FHIP1A: variants seen among roughly 807,000 people sequenced by gnomAD.
FHIP1A encodes the protein FHF complex subunit HOOK interacting protein 1A.
Under a neutral mutation model 88.6 loss-of-function variants are expected in FHIP1A, and 61 were observed. The ratio of observed to expected loss-of-function variants is 0.69; its 90% CI spans 0.56 to 0.85. The LOEUF (loss-of-function observed/expected upper bound fraction) is 0.85. FHIP1A is among the 40% of genes least tolerant of loss of function. FHIP1A has a pLI of 0.00. For synonymous variants in FHIP1A, 478 were observed against 496.0 expected, an observed-to-expected ratio of 0.96 and a Z score of 0.48; for missense variants, 1,154 against 1,273.5, an observed-to-expected ratio of 0.91 and a Z score of 1.43.
At chr4:151,514,891 A>G (rs1207832497) in intron 3 of FHIP1A, among the ~76,000 whole-genome samples, 2 of 152,234 alleles carry the variant, frequency 1.3e-5, no homozygotes, top group African/African-American at 4.8e-5. Context: ...AGGAACTGGT[A>G]TCATTCCTTC....
At chr4:151,486,351 G>A (rs796781707) in intron 3 of FHIP1A, among the ~76,000 whole-genome samples, 14 of 152,282 alleles carry the variant, frequency 9.2e-5, no homozygotes, top group African/African-American at 3.4e-4. Context: ...CAAACTGTGT[G>A]CACATGAATC....
Position 151,518,635 on chromosome 4 carries a change from TTCCCTCCCTCCC to T in FHIP1A, c.-123+36005_-123+36016del, listed in dbSNP as rs149749640. Among the ~76,000 whole-genome samples, 37 of 81,460 alleles carry T rather than the reference TTCCCTCCCTCCC, an allele frequency of 4.5e-4. 1 individual carries two copies. Among genetic ancestry groups the T allele is most frequent in the East Asian group, 2.6e-3 (7 of 2,712 alleles). 53.4% of individuals were successfully genotyped at this position (81,460 alleles called of 152,430 possible). On this transcript the variant is annotated intron_variant, in intron 3 of 13. Transcript: ENST00000435205. ...CTTGCTTTGTCACATAACTATCCATTTCCCTCCCTCCCTCCCTCCCTCCCTCCCTTCCTTCTT... is the reference window on the plus strand; with the variant it reads ...CTTGCTTTGTCACATAACTATCCATTTCCCTCCCTCCCTCCCTTCCTTCTT...
chr4:151,658,773 G>A (rs926321756), intron 13 of FHIP1A, among the ~76,000 whole-genome samples: 2 of 152,046 alleles, frequency 1.3e-5, no homozygotes, highest in Non-Finnish European at 2.9e-5. Flanking sequence ...TTTCTCAAGC[G>A]GTCAATTTTC....
At chr4:151,473,829 T>C (rs1729609510) in intron 2 of FHIP1A, among the ~76,000 whole-genome samples, 1 of 152,176 alleles carries the variant, frequency 6.6e-6, no homozygotes, top group Non-Finnish European at 1.5e-5. Flanking sequence ...TGTAAAAATG[T>C]GAAGGACAGG....
chr4:151,619,532 T>A (rs1735659008), intron 7 of FHIP1A, among the ~76,000 whole-genome samples: 1 of 152,226 alleles, frequency 6.6e-6, no homozygotes, highest in African/African-American at 2.4e-5. Flanking sequence ...TTTTGATGAG[T>A]CTTAGTGTTA....
chr4:151,593,416 G>A (rs1435027388), intron 7 of FHIP1A, among the ~76,000 whole-genome samples: 1 of 152,102 alleles, frequency 6.6e-6, no homozygotes, highest in South Asian at 2.1e-4. Flanking sequence ...TTTTCCATTT[G>A]TTTGTGTCCT....
chr4:151,545,592 T>C (rs946351606), intron 3 of FHIP1A, among the ~76,000 whole-genome samples: 7 of 151,952 alleles, frequency 4.6e-5, no homozygotes, highest in African/African-American at 1.7e-4. Context: ...TTAGCCAGGA[T>C]GGTCTCGATC....
intron 3 of FHIP1A, among the ~76,000 whole-genome samples, chr4:151,495,515 T>TAAAGA (rs1380252327): frequency 6.6e-6 from 1 of 150,526 alleles, no homozygotes; most frequent in Non-Finnish European, 1.5e-5. Flanking sequence ...AAAAAGAAAG[T>TAAAGA]AAAGAAAAGA....
intron 3 of FHIP1A, among the ~76,000 whole-genome samples, chr4:151,535,478 A>G (rs1005094825): frequency 6.6e-6 from 1 of 152,246 alleles, no homozygotes; most frequent in African/African-American, 2.4e-5. Flanking sequence ...AGAAGGAACC[A>G]TTATTGACAT....
At chr4:151,593,741 A>G (rs1173808826) in intron 7 of FHIP1A, among the ~76,000 whole-genome samples, 1 of 152,194 alleles carries the variant, frequency 6.6e-6, no homozygotes, top group Non-Finnish European at 1.5e-5. Context: ...TCCTGTTTGA[A>G]TACCCTTTAT....
chr4:151,666,200 A>T lies in FHIP1A; in HGVS notation c.*3446A>T, dbSNP rs1269925104. ...TTCCAACTTAGGTTCAGCCTAAAAC[A>T]TAATTTCATGGGTGGTAAAATACAA... On this transcript the variant is annotated 3_prime_UTR_variant, in exon 14 of 14. Transcript: ENST00000435205. Among the ~76,000 whole-genome samples, 3 of 152,268 alleles carry T rather than the reference A, an allele frequency of 2.0e-5. No individual in the cohort carries two copies. The highest frequency in any genetic ancestry group is 7.2e-5 in the African/African-American group (3 of 41,472).
intron 2 of FHIP1A, among the ~76,000 whole-genome samples, chr4:151,463,041 T>C (rs1729193384): frequency 1.3e-5 from 2 of 152,232 alleles, no homozygotes; most frequent in African/African-American, 4.8e-5. Flanking sequence ...GTAGGTCTTT[T>C]AGAGCTCCTG....
intron 1 of FHIP1A, among the ~76,000 whole-genome samples, chr4:151,443,749 A>G (rs1728495654): frequency 7.7e-6 from 1 of 130,210 alleles, no homozygotes; most frequent in African/African-American, 2.9e-5. Flanking sequence ...TCTGCTGGCC[A>G]GCTTTTCTTC....
intron 5 of FHIP1A, among the ~76,000 whole-genome samples, chr4:151,578,570 A>G (rs1733900079): frequency 6.6e-6 from 1 of 152,198 alleles, no homozygotes; most frequent in South Asian, 2.1e-4. Context: ...ACAGTCAGTT[A>G]GTGTGCAGGG....
At chr4:151,545,414 A>G (rs998724599) in intron 3 of FHIP1A, among the ~76,000 whole-genome samples, 10 of 111,342 alleles carry the variant, frequency 9.0e-5, no homozygotes, top group African/African-American at 2.5e-4. Context: ...GTCTCGCTCT[A>G]TCTCCCAGGC....
chr4:151,442,079 G>T (rs1310812359), intron 1 of FHIP1A, among the ~76,000 whole-genome samples: 2 of 151,976 alleles, frequency 1.3e-5, no homozygotes, highest in African/African-American at 4.8e-5. Context: ...TTAATTATTA[G>T]GAACATTTGA....
At chr4:151,473,482 T>G (rs1333187090) in intron 2 of FHIP1A, among the ~76,000 whole-genome samples, 1 of 152,132 alleles carries the variant, frequency 6.6e-6, no homozygotes, top group Admixed American at 6.5e-5. Flanking sequence ...TGTCTCTCCT[T>G]GGCCCATGAA....
intron 1 of FHIP1A, among the ~76,000 whole-genome samples, chr4:151,445,433 G>A (rs59043107): frequency 0.018 from 2,708 of 152,118 alleles, 74 homozygotes; most frequent in African/African-American, 0.061. Flanking sequence ...ATTGGTGATT[G>A]AACTCTATTT....
chr4:151,582,734 A>G (rs1734071431), intron 5 of FHIP1A, among the ~76,000 whole-genome samples: 1 of 152,242 alleles, frequency 6.6e-6, no homozygotes, highest in African/African-American at 2.4e-5. Flanking sequence ...TGTGTTGGGA[A>G]TAAATAGAAT....
Sources: allele counts gnomAD v4.1 joint callset (sites outside exome capture counted in the v4.1 genomes callset), GRCh38; gene constraint gnomAD v4.1.1; transcripts MANE v1.5; gene names NCBI Gene and HGNC (gene_info 2026-07-23, HGNC 2026-07-21).